The following CA10 variants were observed in gnomAD, a reference collection of about 807,000 sequenced individuals.
CA10 encodes the protein carbonic anhydrase-related protein 10.
CA10 carries 14 observed loss-of-function variants against 44.2 expected under a neutral mutation model. The observed-to-expected ratio is 0.32, with a 90% CI of 0.21 to 0.50. CA10 has a LOEUF of 0.50. Ranked by LOEUF, CA10 falls within the 20% of genes least tolerant of loss-of-function variation. The pLI is 0.99. For synonymous variants in CA10, 159 were observed against 141.6 expected (o/e 1.12, Z -0.87); for missense variants, 350 against 409.7 (o/e 0.85, Z 1.26).
chr17:51,907,681 C>T, intron 3 of CA10, among the ~76,000 whole-genome samples: 1 of 152,092 alleles, frequency 6.6e-6, no homozygotes, highest in East Asian at 1.9e-4. Flanking sequence ...ACCTATACAC[C>T]TGTCTAAAGA....
intron 2 of CA10, among the ~76,000 whole-genome samples, chr17:51,950,726 TCAGA>T (rs1403597105): frequency 6.6e-6 from 1 of 152,150 alleles, no homozygotes. Context: ...TGCACTCTCC[TCAGA>T]CATTTACTTT....
intron 3 of CA10, among the ~76,000 whole-genome samples, chr17:51,815,791 G>T (rs901039296): frequency 6.6e-6 from 1 of 151,998 alleles, no homozygotes; most frequent in Non-Finnish European, 1.5e-5. Context: ...CAGTGTGTGT[G>T]TGTGTGTGTG....
chr17:51,761,249 T>C (rs544027281), intron 3 of CA10: 1 of 152,294 alleles, frequency 6.6e-6, no homozygotes, highest in East Asian at 1.9e-4. Context: ...TGTTGAGGTT[T>C]TTTTCTTTTT....
At chr17:51,799,299 T>C (rs1906837375) in intron 3 of CA10, among the ~76,000 whole-genome samples, 1 of 152,192 alleles carries the variant, frequency 6.6e-6, no homozygotes, top group South Asian at 2.1e-4. Context: ...ATTTATTTAG[T>C]TTATAAGTCT....
Position 51,851,074 on chromosome 17 carries a change from T to A in CA10, c.279+79916A>T, listed in dbSNP as rs1408160306. On this transcript the variant is annotated intron_variant, in intron 3 of 8. Transcript: ENST00000451037. ...GTAGCTTCTGAGGAGCAAAGCTGCC[T>A]AGCATGGAGTCTAGAAAGACCAAGA... 1.3e-5 allele frequency among the ~76,000 whole-genome samples: 2 copies of A among 152,210 alleles called. 1 individual carries two copies. Among genetic ancestry groups the A allele is most frequent in the East Asian group, 3.8e-4 (2 of 5,198 alleles).
chr17:51,822,044 A>T (rs939976566), intron 3 of CA10, among the ~76,000 whole-genome samples: 1 of 152,058 alleles, frequency 6.6e-6, no homozygotes, highest in Admixed American at 6.6e-5. Context: ...TTTGACACCA[A>T]TCCTGGCCTA....
At chr17:52,062,394 C>T (rs1360307865) in intron 2 of CA10, among the ~76,000 whole-genome samples, 1 of 152,104 alleles carries the variant, frequency 6.6e-6, no homozygotes. Flanking sequence ...GAGAAAAATC[C>T]AGTGGTGCTG....
intron 7 of CA10, 88 bp from the exon 8 acceptor site, chr17:51,633,738 A>AG: frequency 7.0e-7 from 1 of 1,429,640 alleles, no homozygotes; most frequent in South Asian, 1.3e-5. Context: ...TGGCCAAGCT[A>AG]GGTGGTATTG....
chr17:51,864,056 A>G (rs916130493), intron 3 of CA10, among the ~76,000 whole-genome samples: 1 of 152,118 alleles, frequency 6.6e-6, no homozygotes, highest in Non-Finnish European at 1.5e-5. Flanking sequence ...TGGTCTTTCT[A>G]ATGCAGCCAG....
chr17:51,954,823 T>A (rs1346872302), intron 2 of CA10, among the ~76,000 whole-genome samples: 1 of 152,180 alleles, frequency 6.6e-6, no homozygotes. Flanking sequence ...ACAAAGCAGC[T>A]CCTCTGTAAG....
intron 3 of CA10, among the ~76,000 whole-genome samples, chr17:51,826,403 A>C (rs1908011168): frequency 6.6e-6 from 1 of 152,314 alleles, no homozygotes; most frequent in South Asian, 2.1e-4. Context: ...CTTGTGTAAA[A>C]TATGGATAAT....
At chr17:52,124,994 T>G (rs1020636044) in intron 1 of CA10, among the ~76,000 whole-genome samples, 2 of 152,210 alleles carry the variant, frequency 1.3e-5, no homozygotes, top group African/African-American at 4.8e-5. Flanking sequence ...TGCTATTATC[T>G]CTCCATAATG....
At chr17:52,039,943 A>G (rs138317189) in intron 2 of CA10, among the ~76,000 whole-genome samples, 25 of 152,032 alleles carry the variant, frequency 1.6e-4, no homozygotes, top group African/African-American at 6.0e-4. Context: ...CAGGAGGAAG[A>G]GATATTTGAT....
chr17:52,028,673 A>G (rs988732245), intron 2 of CA10, among the ~76,000 whole-genome samples: 5 of 152,142 alleles, frequency 3.3e-5, no homozygotes, highest in African/African-American at 9.7e-5. Flanking sequence ...TGTGGACAAA[A>G]TAAGAAGGGA....
chr17:51,680,520 C>A (rs1914808904), intron 4 of CA10, among the ~76,000 whole-genome samples: 1 of 152,184 alleles, frequency 6.6e-6, no homozygotes, highest in South Asian at 2.1e-4. Flanking sequence ...TCTGGGTGAG[C>A]ATTTGGAAGC....
chr17:51,965,667 A>G (rs1472387300), intron 2 of CA10, among the ~76,000 whole-genome samples: 3 of 151,960 alleles, frequency 2.0e-5, no homozygotes, highest in Admixed American at 6.6e-5. Flanking sequence ...ATCTCTTCAT[A>G]ATAAAAGCCC....
intron 2 of CA10, among the ~76,000 whole-genome samples, chr17:52,022,673 T>C (rs937611506): frequency 1.3e-5 from 2 of 152,096 alleles, no homozygotes; most frequent in African/African-American, 4.8e-5. Context: ...AAATTATCTT[T>C]CTTTGCTGAT....
chr17:52,081,869 A>G (rs1253334956), intron 1 of CA10, among the ~76,000 whole-genome samples: 1 of 151,892 alleles, frequency 6.6e-6, no homozygotes, highest in Non-Finnish European at 1.5e-5. Context: ...GGATGAGAGA[A>G]GTTGAAGACT....
intron 3 of CA10, among the ~76,000 whole-genome samples, chr17:51,890,791 T>C (rs1281894131): frequency 6.6e-6 from 1 of 152,200 alleles, no homozygotes; most frequent in Non-Finnish European, 1.5e-5. Context: ...AAGCTGCCTT[T>C]ATTCTACTTA....
Sources: allele counts gnomAD v4.1 joint callset (sites outside exome capture counted in the v4.1 genomes callset), GRCh38; gene constraint gnomAD v4.1.1; transcripts MANE v1.5; gene names NCBI Gene and HGNC (gene_info 2026-07-23, HGNC 2026-07-21).